The following EPHA1 variants were observed in gnomAD, a reference collection of about 807,000 sequenced individuals.
EPHA1 encodes ephrin type-A receptor 1.
Under a neutral mutation model 110.1 loss-of-function variants are expected in EPHA1, and 92 were observed. The ratio of observed to expected loss-of-function variants is 0.84; its 90% confidence interval spans 0.71 to 0.99. The LOEUF is 0.99. Among genes scored for constraint, EPHA1 ranks in the 50% least tolerant of loss-of-function variants. The probability of loss-of-function intolerance (pLI) is 0.00; values close to 1 mark genes in which losing one functional copy is unlikely to be tolerated. For synonymous variants in EPHA1, 500 were observed against 516.1 expected (o/e 0.97, Z 0.42); for missense variants, 1,204 against 1,285.4 (o/e 0.94, Z 0.97).
chr7:143,397,840 C>T, intron 8 of EPHA1, 80 bp downstream of exon 8: 1 of 1,582,166 alleles, frequency 6.3e-7, no homozygotes, highest in South Asian at 1.1e-5. Context: ...GAGGAAAAGT[C>T]ACTACGTGGA....
intron 5 of EPHA1, 24 bp downstream of exon 5, chr7:143,399,234 C>T (rs1339342641): frequency 6.2e-7 from 1 of 1,600,206 alleles, no homozygotes; most frequent in Non-Finnish European, 8.5e-7. Flanking sequence ...CTCCAGATGG[C>T]CACGCCCCAC....
intron 2 of EPHA1, among the ~76,000 whole-genome samples, chr7:143,402,083 A>G (rs1477885778): frequency 2.9e-5 from 4 of 138,866 alleles, no homozygotes; most frequent in Non-Finnish European, 6.2e-5. Flanking sequence ...ACACTGGGCT[A>G]TTTTTTCTTT....
Position 143,394,808 on chromosome 7 carries a change from C to A in EPHA1, c.2352G>T (p.Gln784His). 3.1e-6 allele frequency: 5 copies of A among 1,614,030 alleles called. No homozygotes were observed. The highest frequency in any genetic ancestry group is 2.2e-5 in the South Asian group (2 of 91,076). Residue 784 changes from glutamine to histidine, a missense_variant and splice_region_variant, in exon 14 of 18, where the codon CAG (glutamine) becomes CAT (histidine). By Grantham distance (24) the Gln-to-His change is conservative. Transcript: ENST00000275815. The stretch of plus-strand genomic sequence containing the variant: ...CACTGGGTTTGTACCGGCCTCTAAC[C>A]TGGGTTTCGTATGTGCCATCAAAGT... ...LDDFDGTYET[Q>H]GGKIPIRWTA...
chr7:143,394,757 G>A (rs776560071), intron 14 of EPHA1, 51 bp downstream of exon 14: 2 of 1,598,724 alleles, frequency 1.3e-6, no homozygotes, highest in Non-Finnish European at 8.5e-7. Context: ...TGTATGAATG[G>A]CATGTTACGG....
At chr7:143,406,154 C>A (rs1805541608) in intron 2 of EPHA1, among the ~76,000 whole-genome samples, 1 of 152,110 alleles carries the variant, frequency 6.6e-6, no homozygotes, top group African/African-American at 2.4e-5. Flanking sequence ...GGGAACTAGA[C>A]TGGGGTGGGG....
chr7:143,404,771 C>T (rs1239250782), intron 2 of EPHA1, among the ~76,000 whole-genome samples: 1 of 152,106 alleles, frequency 6.6e-6, no homozygotes, highest in Non-Finnish European at 1.5e-5. Flanking sequence ...TTTCATTCTT[C>T]AAAAACTCTT....
At chr7:143,408,676 G>A (rs1323826839) in intron 1 of EPHA1, 48 bp downstream of exon 1, 49 of 433,322 alleles carry the variant, frequency 1.1e-4, no homozygotes, top group Non-Finnish European at 1.6e-4. Context: ...CGGGCCCCGG[G>A]AAGGGGCGGG....
Position 143,393,903 on chromosome 7 carries a change from C to T in EPHA1, c.2503-39G>A. 1 of 1,512,386 alleles carries T rather than the reference C, an allele frequency of 6.6e-7. No homozygotes were observed. The highest frequency in any genetic ancestry group is 1.3e-5 in the South Asian group (1 of 74,666). 93.7% of individuals were successfully genotyped at this position (1,512,386 alleles called of 1,614,324 possible). ...CAGGAGGATGCTCTAGAGTAGCAAG[C>T]TAACCTGGAGGCCCATGAGAAACCG... On this transcript the variant is annotated intron_variant, in intron 15 of 17. Coordinates refer to ENST00000275815, the MANE Select transcript of EPHA1 (RefSeq NM_005232.5). This position sits in a 1 kb window ranked among gnomAD's most constrained non-coding sequence, Gnocchi z 5.6.
Position 143,394,070 on chromosome 7 carries a change from G to C in EPHA1, c.2502+124C>G, listed in dbSNP as rs1805169346. 2.2e-6 allele frequency: 3 copies of C among 1,367,950 alleles called. No homozygotes were observed. The East Asian group carries it at 6.9e-5, about 32-fold the overall frequency. The allele number at this position is 1,367,950 out of a possible 1,614,324, so 84.7% of individuals were successfully genotyped here. Reference sequence around the variant, plus strand: ...AGGTGAAGAACCAGAGGAGCCAGGAGTACAGAAAAACTGAAGGTCATGAAT... The same window carrying C: ...AGGTGAAGAACCAGAGGAGCCAGGACTACAGAAAAACTGAAGGTCATGAAT... On this transcript the variant is annotated intron_variant, in intron 15 of 17. Coordinates refer to ENST00000275815, the MANE Select transcript of EPHA1 (RefSeq NM_005232.5).
At position 143,405,186 on chromosome 7, in the gene EPHA1, C is replaced by T. The variant is rs112954145; in HGVS notation, c.150+2425G>A. Among the ~76,000 whole-genome samples the T allele has an allele frequency of 5.3e-3, 803 of 151,948 alleles. 7 individuals carry two copies. Among genetic ancestry groups the T allele is most frequent in the African/African-American group, 0.018 (761 of 41,468 alleles). On this transcript the variant is annotated intron_variant, in intron 2 of 17. Transcript: ENST00000275815. ...GGGAAGCCCAAGTGGAAGGCACTGG[C>T]GGGGGTCAGGTGGGCAGGGTGGTGA...
chr7:143,408,629 C>CCT (rs34038685), intron 1 of EPHA1, 95 bp downstream of exon 1: 351,392 of 377,270 alleles, frequency 0.93, 163,949 homozygotes, highest in East Asian at 0.99. Flanking sequence ...GGGAACATGG[C>CCT]CCCTAGGAAT....
rs766012017 is a variant in EPHA1, at chr7:143,399,302, C to T, written c.947G>A (p.Gly316Asp). 3 of 1,612,222 alleles carry T rather than the reference C, an allele frequency of 1.9e-6. No individual in the cohort carries two copies. Among genetic ancestry groups the T allele is most frequent in the Non-Finnish European group, 8.5e-7 (1 of 1,179,874 alleles). Residue 316 changes from glycine (G) to aspartate (D), a missense_variant, in exon 5 of 18, where the codon GGC becomes GAC. Gly to Asp is a moderately conservative substitution (Grantham distance 94). Transcript: ENST00000275815. The part of the protein sequence containing the change: ...EGATICTCES[G>D]HYRAPGEGPQ... The stretch of plus-strand genomic sequence containing the variant: ...GCCCTCCCCGGGAGCTCTGTAATGG[C>T]CGCTCTCACAGGTACAGATGGTGGC...
intron 14 of EPHA1, 23 bp downstream of exon 14, chr7:143,394,785 C>T: frequency 1.2e-6 from 2 of 1,613,394 alleles, no homozygotes; most frequent in Non-Finnish European, 1.7e-6. Context: ...TGAATGTGCA[C>T]TGGGTTTGTA....
chr7:143,393,546 G>T lies in EPHA1; in HGVS notation c.2696+125C>A. The T allele has an allele frequency of 9.4e-7, 1 of 1,058,608 alleles. No individual in the cohort carries two copies. The highest frequency in any genetic ancestry group is 1.3e-6 in the Non-Finnish European group (1 of 741,388). 65.6% of individuals were successfully genotyped at this position (1,058,608 alleles called of 1,614,324 possible). On this transcript the variant is annotated intron_variant, in intron 16 of 17. Coordinates refer to ENST00000275815, the MANE Select transcript of EPHA1 (RefSeq NM_005232.5). This position sits in a 1 kb window ranked among gnomAD's most constrained non-coding sequence, Gnocchi z 5.6. ...TGGACTCTCCCCAAGGGCACGTCTT[G>T]CCTCATACACTGGACTTGGTCCAGA...
At chr7:143,397,753 C>T in intron 8 of EPHA1, 96 bp from the exon 9 acceptor site, 2 of 1,540,290 alleles carry the variant, frequency 1.3e-6, no homozygotes, top group East Asian at 2.3e-5. Context: ...TAGGGTCAGA[C>T]CTTTCAGTGT....
Position 143,391,375 on chromosome 7 carries a change from G to T in EPHA1, c.*82C>A. The T allele has an allele frequency of 1.3e-6, 2 of 1,521,390 alleles. No homozygotes were observed. The highest frequency in any genetic ancestry group is 1.8e-6 in the Non-Finnish European group (2 of 1,113,948). 94.2% of individuals were successfully genotyped at this position (1,521,390 alleles called of 1,614,324 possible). A position where few individuals can be genotyped will look rare whatever the true frequency, so the allele number is the denominator to read the frequency against. On this transcript the variant is annotated 3_prime_UTR_variant, in exon 18 of 18. Coordinates refer to ENST00000275815, the MANE Select transcript of EPHA1 (RefSeq NM_005232.5). ...AGCCTAGTCTGGCAGGTTGTGGGAA[G>T]GGGCGCAGGGAGTGACCATGAGCGA...
chr7:143,397,970 A>C lies in EPHA1; in HGVS notation c.1565T>G (p.Leu522Arg). 6.2e-7 allele frequency: 1 copy of C among 1,614,132 alleles called. No homozygotes were observed. Among genetic ancestry groups the C allele is most frequent in the Non-Finnish European group, 8.5e-7 (1 of 1,180,006 alleles). The change falls in exon 8 of 18, where the codon CTG becomes CGG. Residue 522 changes from leucine (L) to arginine (R), a missense_variant. Physicochemically the swap from Leu to Arg is moderately radical, Grantham distance 102. Transcript: ENST00000275815. The stretch of plus-strand genomic sequence containing the variant: ...ATCAGGGGAGAAAGGGCCAGGACCC[A>C]GTGGGGTCAGCATTCGGACTCTGAC... The part of the protein sequence containing the change: ...YIVRVRMLTP[L>R]GPGPFSPDHE...
At chr7:143,405,731 C>T (rs1805531169) in intron 2 of EPHA1, among the ~76,000 whole-genome samples, 1 of 152,180 alleles carries the variant, frequency 6.6e-6, no homozygotes, top group South Asian at 2.1e-4. Context: ...AGGGCTGGAT[C>T]TTCCAAACGG....
At position 143,399,794 on chromosome 7, in the gene EPHA1, C is replaced by T; in HGVS notation, c.692G>A (p.Cys231Tyr). The T allele has an allele frequency of 6.3e-7, 1 of 1,575,348 alleles. No individual in the cohort carries two copies. The highest frequency in any genetic ancestry group is 8.6e-7 in the Non-Finnish European group (1 of 1,160,184). Residue 231 changes from cysteine (C) to tyrosine (Y), a missense_variant, in exon 4 of 18, where the codon TGC (cysteine) becomes TAC (tyrosine). Coordinates refer to ENST00000275815, the MANE Select transcript of EPHA1 (RefSeq NM_005232.5). ...GGGGCTGGCCCGCGCGTGGGGCAAG[C>T]AGGTCCCCGCCACTTCCACCAACCC... ...PAGLVEVAGT[C>Y]LPHARASPRP...
Sources: allele counts gnomAD v4.1 joint callset (sites outside exome capture counted in the v4.1 genomes callset), GRCh38; gene constraint gnomAD v4.1.1; non-coding constraint Gnocchi (gnomAD v3.1); transcripts MANE v1.5; gene names NCBI Gene and HGNC (gene_info 2026-07-23, HGNC 2026-07-21).